The following GNPTG variants were observed in gnomAD, a reference collection of about 807,000 sequenced individuals.
The protein encoded by GNPTG is N-acetylglucosamine-1-phosphotransferase subunit gamma.
Under a neutral mutation model 43.8 loss-of-function variants are expected in GNPTG, and 46 were observed. The ratio of observed to expected loss-of-function variants is 1.05; its 90% CI spans 0.83 to 1.34. The LOEUF is 1.34. GNPTG is among the 40% of genes most tolerant of loss of function. The probability of loss-of-function intolerance (pLI) is 0.00; values close to 1 mark genes in which losing one functional copy is unlikely to be tolerated. For synonymous variants in GNPTG, 250 were observed against 172.8 expected (o/e 1.45, Z -3.50); for missense variants, 549 against 411.3 (o/e 1.33, Z -2.90).
At chr16:1,356,669 C>A (rs1024113142) in intron 3 of GNPTG, among the ~76,000 whole-genome samples, 1 of 152,198 alleles carries the variant, frequency 6.6e-6, no homozygotes, top group Non-Finnish European at 1.5e-5. Flanking sequence ...CTCCTCCCAG[C>A]TGGGGAGCCA....
intron 3 of GNPTG, among the ~76,000 whole-genome samples, chr16:1,353,662 T>C (rs1456129647): frequency 6.6e-6 from 1 of 152,178 alleles, no homozygotes; most frequent in Non-Finnish European, 1.5e-5. Context: ...TAGCTGGGAC[T>C]ACAGGTGCAC....
rs574801192 is a variant in GNPTG at position 1,351,976 on chromosome 16, G to C, written c.11G>C (p.Gly4Ala). 364 of 1,369,452 alleles carry C rather than the reference G, an allele frequency of 2.7e-4. 1 individual carries two copies. The East Asian group carries it at 0.011, about 42-fold the overall frequency. 84.8% of individuals were successfully genotyped at this position (1,369,452 alleles called of 1,614,324 possible). MAA[G>A]LARLLLLLGL... is the part of the protein sequence containing the mutation. ...GGCCGCTGCGGCGCGATGGCGGCGG[G>C]GCTGGCGCGGCTCCTGTTGCTCCTC... Residue 4 changes from glycine to alanine, a missense_variant, in exon 1 of 11, where the codon GGG (glycine) becomes GCG (alanine). Coordinates refer to ENST00000204679, the MANE Select transcript of GNPTG (RefSeq NM_032520.5).
intron 3 of GNPTG, among the ~76,000 whole-genome samples, chr16:1,357,024 G>A (rs1358375334): frequency 1.3e-5 from 2 of 152,194 alleles, no homozygotes; most frequent in African/African-American, 4.8e-5. Flanking sequence ...GGCTCCAAAG[G>A]CTTCCCTATG....
rs1275408658 is a variant in GNPTG at position 1,363,262 on chromosome 16, T to C, written c.*171T>C. 3 of 673,078 alleles carry C rather than the reference T, an allele frequency of 4.5e-6. No homozygotes were observed. Among genetic ancestry groups the C allele is most frequent in the Non-Finnish European group, 7.9e-6 (3 of 377,856 alleles). 41.7% of individuals were successfully genotyped at this position (673,078 alleles called of 1,614,324 possible). The stretch of plus-strand genomic sequence containing the variant: ...GATAAAAATAACTCCATGAATTCTG[T>C]AAACCATTGCATAAATGCTATAGTG... On this transcript the variant is annotated 3_prime_UTR_variant, in exon 11 of 11. Transcript: ENST00000204679.
At chr16:1,358,893 A>T (rs2034823853) in intron 3 of GNPTG, 1 of 149,782 alleles carries the variant, frequency 6.7e-6, no homozygotes, top group South Asian at 2.1e-4. Context: ...ATGGAGTCTC[A>T]CTCTGTGGCC....
chr16:1,362,438 T>C lies in GNPTG; in HGVS notation c.527-14T>C. ...ATGGGGTGCAGCTGAGCCTGGCTTC[T>C]CTTGGGTCCTCAGTGTACCCAACCC... On this transcript the variant is annotated splice_polypyrimidine_tract_variant and intron_variant, in intron 7 of 10. Coordinates refer to ENST00000204679, the MANE Select transcript of GNPTG (RefSeq NM_032520.5). The C allele has an allele frequency of 6.2e-7, 1 of 1,613,560 alleles. No homozygotes were observed. The highest frequency in any genetic ancestry group is 8.5e-7 in the Non-Finnish European group (1 of 1,179,772).
intron 3 of GNPTG, chr16:1,361,288 A>T (rs1204776681): frequency 1.1e-5 from 2 of 190,430 alleles, no homozygotes; most frequent in South Asian, 1.8e-4. Context: ...CGGTTTTGTC[A>T]GTTTCTTCCA....
chr16:1,355,428 G>T (rs972028881), intron 3 of GNPTG, among the ~76,000 whole-genome samples: 5 of 152,130 alleles, frequency 3.3e-5, no homozygotes, highest in African/African-American at 1.2e-4. Context: ...GCAGAAGAGT[G>T]TCTGCCAAGG....
Position 1,351,979 on chromosome 16 carries a change from T to C in GNPTG, c.14T>C (p.Leu5Pro). ...CGCTGCGGCGCGATGGCGGCGGGGC[T>C]GGCGCGGCTCCTGTTGCTCCTCGGG... Reference protein sequence around the residue: MAAGLARLLLLLGLS... With the variant: MAAGPARLLLLLGLS... The change falls in exon 1 of 11, where the codon CTG (leucine) becomes CCG (proline). Residue 5 changes from leucine to proline, a missense_variant. Transcript: ENST00000204679. 1 of 1,373,002 alleles carries C rather than the reference T, an allele frequency of 7.3e-7. No individual in the cohort carries two copies. Among genetic ancestry groups the C allele is most frequent in the East Asian group, 3.1e-5 (1 of 31,872 alleles). 85.1% of individuals were successfully genotyped at this position (1,373,002 alleles called of 1,614,324 possible). A position where few individuals can be genotyped will look rare whatever the true frequency, so the allele number is the denominator to read the frequency against.
At chr16:1,355,005 G>A (rs185351458) in intron 3 of GNPTG, among the ~76,000 whole-genome samples, 2 of 151,998 alleles carry the variant, frequency 1.3e-5, no homozygotes, top group Non-Finnish European at 1.5e-5. Flanking sequence ...CCGCATCTGC[G>A]GGGTGGGGCG....
chr16:1,352,497 T>G, intron 3 of GNPTG, 191 bp downstream of exon 3: 2 of 667,584 alleles, frequency 3.0e-6, no homozygotes, highest in East Asian at 5.5e-5. Context: ...ATCTCCAGAC[T>G]TAGTCCTTCC....
At chr16:1,361,713 C>T in intron 3 of GNPTG, 30 bp from the exon 4 acceptor site, 3 of 1,613,030 alleles carry the variant, frequency 1.9e-6, no homozygotes, top group Non-Finnish European at 2.5e-6. Context: ...TGTGCTTGGA[C>T]CCTGGGGATC....
At chr16:1,361,247 C>G (rs1295083889) in intron 3 of GNPTG, 1 of 185,984 alleles carries the variant, frequency 5.4e-6, no homozygotes, top group South Asian at 1.0e-4. Context: ...AGCCTTAACT[C>G]TAATTTTTGA....
intron 3 of GNPTG, 66 bp downstream of exon 3, chr16:1,352,372 A>G: frequency 6.8e-7 from 1 of 1,463,798 alleles, no homozygotes; most frequent in Non-Finnish European, 9.3e-7. Flanking sequence ...TGGAGGATGG[A>G]TGAGTGACCC....
chr16:1,353,437 G>C (rs1242957382), intron 3 of GNPTG, among the ~76,000 whole-genome samples: 2 of 152,220 alleles, frequency 1.3e-5, no homozygotes, highest in East Asian at 3.8e-4. Context: ...AAAATACATA[G>C]AATGGCCAAT....
At chr16:1,360,132 G>A (rs2887538) in intron 3 of GNPTG, among the ~76,000 whole-genome samples, 92,336 of 151,826 alleles carry the variant, frequency 0.61, 28,609 homozygotes, top group Admixed American at 0.68. Context: ...GCGTATGGAT[G>A]TCTCATGTCA....
intron 3 of GNPTG, among the ~76,000 whole-genome samples, chr16:1,355,042 C>G (rs572690813): frequency 6.6e-6 from 1 of 151,028 alleles, no homozygotes; most frequent in African/African-American, 2.4e-5. Flanking sequence ...TGTGCGGGGT[C>G]GGGTGTGGAT....
At chr16:1,359,246 GT>G (rs2034829545) in intron 3 of GNPTG, among the ~76,000 whole-genome samples, 1 of 152,098 alleles carries the variant, frequency 6.6e-6, no homozygotes, top group Admixed American at 6.6e-5. Flanking sequence ...CATTCTGTGG[GT>G]TGTCTTTTCA....
At position 1,362,102 on chromosome 16, in the gene GNPTG, G is replaced by A. The variant is rs372319167; in HGVS notation, c.382G>A (p.Ala128Thr). 16 of 1,610,458 alleles carry A rather than the reference G, an allele frequency of 9.9e-6. No individual in the cohort carries two copies. The highest frequency in any genetic ancestry group is 6.7e-5 in the African/African-American group (5 of 74,858). ...FTGMWMRDGD[A>T]CRSRSRQSKV... ...GGGCATGTGGATGAGGGACGGTGAC[G>A]CCTGCCGTTCCCGGAGCCGGCAGAG... Residue 128 changes from alanine to threonine, a missense_variant, in exon 6 of 11, where the codon GCC becomes ACC. Coordinates refer to ENST00000204679, the MANE Select transcript of GNPTG (RefSeq NM_032520.5).
Sources: allele counts gnomAD v4.1 joint callset (sites outside exome capture counted in the v4.1 genomes callset), GRCh38; gene constraint gnomAD v4.1.1; transcripts MANE v1.5; gene names NCBI Gene and HGNC (gene_info 2026-07-23, HGNC 2026-07-21).